Variants in ADGB observed in about 807,000 individuals in gnomAD.
ADGB encodes the protein androglobin.
In ADGB, 172 loss-of-function variants were observed where a neutral mutation model predicts 210.5. The ratio of observed to expected loss-of-function variants is 0.82; its 90% confidence interval spans 0.72 to 0.93. The LOEUF is 0.93. Among genes scored for constraint, ADGB ranks in the 40% least tolerant of loss-of-function variants. ADGB has a pLI of 0.00. For missense variants in ADGB, 2,025 were observed against 1,964.8 expected (o/e 1.03, Z -0.58); for synonymous variants, 658 against 662.7 (o/e 0.99, Z 0.11).
chr6:146,732,810 G>C (rs898957915), intron 20 of ADGB, among the ~76,000 whole-genome samples: 1 of 151,956 alleles, frequency 6.6e-6, no homozygotes, highest in Non-Finnish European at 1.5e-5. Context: ...TATTTAACTT[G>C]CTTAAGCAGA....
In ADGB at chr6:146,700,959, A is replaced by G. The variant is rs1776480895; in HGVS notation, c.1596A>G (p.Leu532=). 1 of 1,550,644 alleles carries G rather than the reference A, an allele frequency of 6.4e-7. No homozygotes were observed. Among genetic ancestry groups the G allele is most frequent in the Non-Finnish European group, 8.7e-7 (1 of 1,146,352 alleles). Residue 532 remains leucine (L), a synonymous_variant, in exon 13 of 36, where the codon TTA becomes TTG. Coordinates refer to ENST00000397944, the MANE Select transcript of ADGB (RefSeq NM_024694.4). ...CTTTTAGGCATTTTGTGCGCTCCTT[A>G]ATTAAGAAAGGAATACCTCCAGGAT... The part of the protein sequence containing the change: ...IPTEMHFVRS[L]IKKGIPPGSD...
At position 146,717,590 on chromosome 6, in the gene ADGB, A is replaced by G; in HGVS notation, c.1983A>G (p.Ser661=). Residue 661 remains serine, a synonymous_variant, in exon 16 of 36, where the codon TCA becomes TCG. Transcript: ENST00000397944. ...PSSYCLNFQK[S]EFKFSEERVS... is the part of the protein sequence containing the mutation. ...CATATTGCCTTAACTTTCAAAAATC[A>G]GAATTTAAGGTAAGTATGTTAGAAT... The G allele has an allele frequency of 7.1e-7, 1 of 1,408,370 alleles. No individual in the cohort carries two copies. Among genetic ancestry groups the G allele is most frequent in the African/African-American group, 1.5e-5 (1 of 68,852 alleles). 87.2% of individuals were successfully genotyped at this position (1,408,370 alleles called of 1,614,324 possible).
rs573886946 is a variant in ADGB at position 146,631,730 on chromosome 6, C to A, written c.75-3645C>A. On this transcript the variant is annotated intron_variant, in intron 1 of 35. Transcript: ENST00000397944. Reference sequence around the variant, plus strand: ...CCTACCTGTGGAGGCACACAGTCAGCACATAAATAAAGGATTAGTGAGAGT... The same window carrying A: ...CCTACCTGTGGAGGCACACAGTCAGAACATAAATAAAGGATTAGTGAGAGT... Among the ~76,000 whole-genome samples, 9 of 152,068 alleles carry A rather than the reference C, an allele frequency of 5.9e-5. 1 individual carries two copies. The South Asian group carries it at 1.9e-3, about 32-fold the overall frequency.
chr6:146,759,472 A>T (rs908011722), intron 27 of ADGB, among the ~76,000 whole-genome samples: 6 of 151,930 alleles, frequency 3.9e-5, no homozygotes, highest in African/African-American at 1.4e-4. Flanking sequence ...TAAAATTTAC[A>T]TTCTAGATAA....
At chr6:146,724,890 G>A (rs1005753546) in intron 18 of ADGB, 4 of 152,004 alleles carry the variant, frequency 2.6e-5, no homozygotes, top group African/African-American at 9.7e-5. Context: ...TTATTTTGAT[G>A]AATAAAATTC....
chr6:146,657,320 CAAA>C (rs59612556), intron 5 of ADGB, among the ~76,000 whole-genome samples: 66 of 142,248 alleles, frequency 4.6e-4, no homozygotes, highest in East Asian at 4.3e-4. Flanking sequence ...AGCAAAACTC[CAAA>C]AAAAAAAAAA....
chr6:146,734,231 T>G (rs151071069), intron 22 of ADGB, among the ~76,000 whole-genome samples: 191 of 152,282 alleles, frequency 1.3e-3, no homozygotes, highest in African/African-American at 4.5e-3. Context: ...GCCTGGTGCA[T>G]CATAAGCACA....
At chr6:146,704,969 G>A (rs906113595) in intron 13 of ADGB, among the ~76,000 whole-genome samples, 2 of 151,978 alleles carry the variant, frequency 1.3e-5, no homozygotes, top group African/African-American at 4.8e-5. Context: ...ATGAACATGG[G>A]ACATCTTTCC....
intron 29 of ADGB, among the ~76,000 whole-genome samples, chr6:146,773,942 G>A (rs186636602): frequency 4.2e-4 from 64 of 152,244 alleles, no homozygotes; most frequent in African/African-American, 1.5e-3. Flanking sequence ...TACAGATGAG[G>A]GAACTGGGAT....
At chr6:146,689,593 T>TG (rs1164262870) in intron 10 of ADGB, among the ~76,000 whole-genome samples, 1 of 152,118 alleles carries the variant, frequency 6.6e-6, no homozygotes, top group Non-Finnish European at 1.5e-5. Context: ...TTTGTTGCAA[T>TG]GGCAGGAAGA....
rs1777161124 is a variant in ADGB at position 146,741,291 on chromosome 6, TC to T, written c.3177+22del. 1 of 1,549,212 alleles carries T rather than the reference TC, an allele frequency of 6.5e-7. No individual in the cohort carries two copies. The highest frequency in any genetic ancestry group is 8.7e-7 in the Non-Finnish European group (1 of 1,145,644). On this transcript the variant is annotated intron_variant, in intron 25 of 35. Transcript: ENST00000397944. The stretch of plus-strand genomic sequence containing the variant: ...AATAAGGTAGGTATAAAATTTATTC[TC>T]CACATATGATAGAATGGCAGTGAAA...
At position 146,641,454 on chromosome 6, in the gene ADGB, GA is replaced by G. The variant is rs879009000; in HGVS notation, c.238-3307del. On this transcript the variant is annotated intron_variant, in intron 2 of 35. Coordinates refer to ENST00000397944, the MANE Select transcript of ADGB (RefSeq NM_024694.4). ...CTGAATAGCCAAGGCAATCCCACGG[GA>G]AAAAAAAAAAAGCTGGAGGAATCAC... Among the ~76,000 whole-genome samples, 588 of 142,106 alleles carry G rather than the reference GA, an allele frequency of 4.1e-3. 1 individual carries two copies. The highest frequency in any genetic ancestry group is 9.6e-3 in the African/African-American group (376 of 39,058). The allele number at this position is 142,106 out of a possible 152,430, so 93.2% of individuals were successfully genotyped here.
chr6:146,645,400 AT>A (rs2114872306), intron 3 of ADGB, among the ~76,000 whole-genome samples: 1 of 152,188 alleles, frequency 6.6e-6, no homozygotes, highest in South Asian at 2.1e-4. Flanking sequence ...AATAGCACTT[AT>A]AGAGATTAAG....
chr6:146,692,294 T>C (rs1230400646), intron 11 of ADGB, among the ~76,000 whole-genome samples: 2 of 152,102 alleles, frequency 1.3e-5, no homozygotes, highest in Non-Finnish European at 2.9e-5. Flanking sequence ...TGAGAATTTC[T>C]TTCTTCTGGA....
At chr6:146,734,128 C>A in intron 22 of ADGB, 98 bp downstream of exon 22, 2 of 1,173,752 alleles carry the variant, frequency 1.7e-6, no homozygotes, top group Non-Finnish European at 1.2e-6. Flanking sequence ...CACTTTATGG[C>A]TAATTAATTT....
chr6:146,756,061 AG>A, intron 27 of ADGB, among the ~76,000 whole-genome samples: 1 of 152,196 alleles, frequency 6.6e-6, no homozygotes, highest in Admixed American at 6.6e-5. Context: ...TAACAACTAC[AG>A]GCAAATTAGG....
chr6:146,715,317 A>G (rs1033708356), intron 13 of ADGB, 65 bp from the exon 14 acceptor site: 2 of 1,282,704 alleles, frequency 1.6e-6, no homozygotes, highest in Non-Finnish European at 2.2e-6. Context: ...TCTTTTAGTA[A>G]CTTTGGTGCT....
At chr6:146,640,094 C>T (rs1017811335) in intron 2 of ADGB, among the ~76,000 whole-genome samples, 1 of 151,936 alleles carries the variant, frequency 6.6e-6, no homozygotes, top group Non-Finnish European at 1.5e-5. Context: ...ATTGACCCCA[C>T]AGAAATAAAA....
In ADGB at chr6:146,740,516, A is replaced by G; in HGVS notation, c.2946A>G (p.Glu982=). ...AATCTTATCCATGCTATCAAGATGA[A>G]GAAACTAAGATTGCTTTTGCAGATT... is the stretch of plus-strand genomic sequence containing the variant. ...SLESYPCYQD[E]ETKIAFADYT... The change falls in exon 24 of 36, where the codon GAA becomes GAG. Residue 982 remains glutamate (E), a synonymous_variant. Coordinates refer to ENST00000397944, the MANE Select transcript of ADGB (RefSeq NM_024694.4). 3.2e-6 allele frequency: 5 copies of G among 1,549,800 alleles called. No homozygotes were observed. The highest frequency in any genetic ancestry group is 4.4e-6 in the Non-Finnish European group (5 of 1,145,632).
Sources: gnomAD v4.1 joint callset for allele counts (sites outside exome capture counted in the v4.1 genomes callset) on GRCh38, gnomAD v4.1.1 for gene constraint, MANE v1.5 for transcripts, NCBI Gene and HGNC (gene_info 2026-07-23, HGNC 2026-07-21) for gene names.